Variants in FAM50A observed in about 807,000 individuals in gnomAD.
FAM50A encodes protein FAM50A.
FAM50A carries 6 observed loss-of-function variants against 35.5 expected under a neutral mutation model. The ratio of observed to expected loss-of-function variants is 0.17; its 90% CI spans 0.09 to 0.33. The LOEUF is 0.33. Among genes scored for constraint, FAM50A ranks in the 10% least tolerant of loss-of-function variants. The pLI is 1.00. For synonymous variants in FAM50A, 120 were observed against 110.9 expected (o/e 1.08, Z -0.52); for missense variants, 145 against 295.5 (o/e 0.49, Z 3.73).
chrX:154,445,397 C>A, intron 1 of FAM50A: 1 of 434,368 alleles, frequency 2.3e-6, no homozygotes, highest in Non-Finnish European at 4.1e-6. Context: ...TCGGTGGCTT[C>A]AGGCTACTGA....
chrX:154,449,525 G>A (rs1254622294), intron 8 of FAM50A, among the ~76,000 whole-genome samples, 156 bp from the exon 9 acceptor site: 1 of 112,408 alleles, frequency 8.9e-6, no homozygotes, highest in East Asian at 2.8e-4. Context: ...GGTGCTGGGC[G>A]CCAGTCCTGT....
At chrX:154,447,436 A>G (rs1048891358) in intron 4 of FAM50A, among the ~76,000 whole-genome samples, 1 of 111,058 alleles carries the variant, frequency 9.0e-6, no homozygotes, top group African/African-American at 3.3e-5. Flanking sequence ...GGGAGGAAGA[A>G]CCTGCCAGCC....
chrX:154,445,933 C>T (rs1557199757), intron 3 of FAM50A, 22 bp downstream of exon 3: 1 of 1,145,428 alleles, frequency 8.7e-7, no homozygotes, highest in Non-Finnish European at 1.2e-6. Context: ...CGCCGCAGCC[C>T]TCAACATGGA....
chrX:154,449,431 G>T, intron 8 of FAM50A, 134 bp downstream of exon 8: 1 of 560,194 alleles, frequency 1.8e-6, no homozygotes, highest in Non-Finnish European at 3.0e-6. Context: ...CCCAAAAGAG[G>T]GGGTCAGGCT....
In FAM50A at chrX:154,444,155, CCGCCACCGCCGCTGCCGCTGCCGCTGT is replaced by C. The variant is rs2068769779; in HGVS notation, c.-77_-51del. ...GCGCGGGCGTCAGCTGACTGTTCGG[CCGCCACCGCCGCTGCCGCTGCCGCTGT>C]CGCTGTCGCCGCCGCCGCCGCCCGC... On this transcript the variant is annotated 5_prime_UTR_variant, in exon 1 of 13. Transcript: ENST00000393600. 3.7e-6 allele frequency: 1 copy of C among 266,702 alleles called. No homozygotes were observed. The highest frequency in any genetic ancestry group is 5.2e-6 in the Non-Finnish European group (1 of 193,388). 22.0% of individuals were successfully genotyped at this position (266,702 alleles called of 1,213,427 possible).
chrX:154,447,555 C>T (rs2068786932), intron 4 of FAM50A, among the ~76,000 whole-genome samples: 1 of 112,480 alleles, frequency 8.9e-6, no homozygotes, highest in Non-Finnish European at 1.9e-5. Context: ...CAAAATATCA[C>T]CATTGCGGCA....
At chrX:154,445,599 G>C in intron 1 of FAM50A, 34 bp from the exon 2 acceptor site, 1 of 1,101,172 alleles carries the variant, frequency 9.1e-7, no homozygotes, top group Non-Finnish European at 1.3e-6. Context: ...CCACAGTGAG[G>C]GGTGGTTCTC....
intron 8 of FAM50A, among the ~76,000 whole-genome samples, 153 bp downstream of exon 8, chrX:154,449,450 C>T (rs1557200245): frequency 8.9e-6 from 1 of 112,591 alleles, no homozygotes; most frequent in South Asian, 3.6e-4. Flanking sequence ...CTCCTCTTCC[C>T]TTCCCTCCCA....
chrX:154,450,380 C>G, intron 12 of FAM50A, 44 bp from the exon 13 acceptor site: 1 of 1,210,358 alleles, frequency 8.3e-7, no homozygotes, highest in Non-Finnish European at 1.1e-6. Context: ...CCTGCTCACC[C>G]CTCGCCTTCC....
intron 1 of FAM50A, 77 bp from the exon 2 acceptor site, chrX:154,445,556 T>C (rs1180468100): frequency 3.8e-6 from 3 of 798,879 alleles, no homozygotes; most frequent in Non-Finnish European, 5.7e-6. Context: ...ATTTGGACTA[T>C]AACGCAGGTC....
chrX:154,445,383 AG>A (rs1557199672), intron 1 of FAM50A: 2 of 419,276 alleles, frequency 4.8e-6, no homozygotes, highest in African/African-American at 5.0e-5. Flanking sequence ...AAAGGTCAGT[AG>A]GGTCGGTGGC....
chrX:154,444,345 A>T lies in FAM50A; in HGVS notation c.110A>T (p.Glu37Val). ...GAGCAGATGAAGCAGCGCATCGCGG[A>T]GGTGCGAGCCGGGGAGCCTCGGAGC... ...QMEQMKQRIA[E>V]ENIMKSNIDK... Residue 37 changes from glutamate to valine, a missense_variant and splice_region_variant, in exon 1 of 13, where the codon GAG becomes GTG. Physicochemically the swap from Glu to Val is moderately radical, Grantham distance 121. Coordinates refer to ENST00000393600, the MANE Select transcript of FAM50A (RefSeq NM_004699.4). The T allele has an allele frequency of 9.3e-7, 1 of 1,074,601 alleles. No individual in the cohort carries two copies. The highest frequency in any genetic ancestry group is 4.1e-5 in the East Asian group (1 of 24,419). The allele number at this position is 1,074,601 out of a possible 1,213,427, so 88.6% of individuals were successfully genotyped here. A position where few individuals can be genotyped will look rare whatever the true frequency, so the allele number is the denominator to read the frequency against.
chrX:154,444,200 CCGCCCG>C lies in FAM50A; in HGVS notation c.-34_-29del. ...GCCGCTGTCGCTGTCGCCGCCGCCG[CCGCCCG>C]CCGCCGCCGCCGCCGCCGCCGCCGC... On this transcript the variant is annotated 5_prime_UTR_variant, in exon 1 of 13. Transcript: ENST00000393600. The C allele has an allele frequency of 1.6e-6, 1 of 634,050 alleles. No homozygotes were observed. Among genetic ancestry groups the C allele is most frequent in the Non-Finnish European group, 1.9e-6 (1 of 516,952 alleles). The allele number at this position is 634,050 out of a possible 1,213,427, so 52.3% of individuals were successfully genotyped here. A position where few individuals can be genotyped will look rare whatever the true frequency, so the allele number is the denominator to read the frequency against.
Position 154,444,185 on chromosome X carries a change from C to A in FAM50A, c.-51C>A. On this transcript the variant is annotated 5_prime_UTR_variant, in exon 1 of 13. The change creates a new upstream start codon in the 5' untranslated region. Coordinates refer to ENST00000393600, the MANE Select transcript of FAM50A (RefSeq NM_004699.4). ...ACCGCCGCTGCCGCTGCCGCTGTCGCTGTCGCCGCCGCCGCCGCCCGCCGC... is the reference window on the plus strand; with the variant it reads ...ACCGCCGCTGCCGCTGCCGCTGTCGATGTCGCCGCCGCCGCCGCCCGCCGC... The A allele has an allele frequency of 2.1e-6, 1 of 484,008 alleles. No individual in the cohort carries two copies. The allele number at this position is 484,008 out of a possible 1,213,427, so 39.9% of individuals were successfully genotyped here. A position where few individuals can be genotyped will look rare whatever the true frequency, so the allele number is the denominator to read the frequency against.
intron 1 of FAM50A, 35 bp downstream of exon 1, chrX:154,444,381 C>A: frequency 1.3e-6 from 1 of 796,893 alleles, no homozygotes; most frequent in Non-Finnish European, 1.6e-6. Context: ...ATGCGCGCTG[C>A]CCAGGTCCCC....
Position 154,450,550 on chromosome X carries a change from G to T in FAM50A, c.*118G>T, listed in dbSNP as rs986971854. The T allele has an allele frequency of 5.4e-6, 4 of 734,252 alleles. No individual in the cohort carries two copies. The allele number at this position is 734,252 out of a possible 1,213,427, so 60.5% of individuals were successfully genotyped here. A position where few individuals can be genotyped will look rare whatever the true frequency, so the allele number is the denominator to read the frequency against. On this transcript the variant is annotated 3_prime_UTR_variant, in exon 13 of 13. Coordinates refer to ENST00000393600, the MANE Select transcript of FAM50A (RefSeq NM_004699.4). The stretch of plus-strand genomic sequence containing the variant: ...ATGCCAGGCACGCTGGGAGGAGGAC[G>T]GCAGCTGCTCGTGTCCTGCCCCTGC...
chrX:154,447,351 C>T (rs1364303916), intron 4 of FAM50A, among the ~76,000 whole-genome samples: 13 of 111,423 alleles, frequency 1.2e-4, no homozygotes, highest in African/African-American at 3.6e-4. Context: ...GGGAGAGAAG[C>T]GAGGCAGGGG....
At chrX:154,444,682 TG>T (rs1218477210) in intron 1 of FAM50A, 1 of 126,350 alleles carries the variant, frequency 7.9e-6, no homozygotes, top group Admixed American at 9.0e-5. Context: ...GTCCTGGCTC[TG>T]GCCCCTCGGC....
chrX:154,445,995 G>A (rs1324955529), intron 3 of FAM50A, 84 bp downstream of exon 3: 1 of 706,237 alleles, frequency 1.4e-6, no homozygotes, highest in East Asian at 3.5e-5. Flanking sequence ...GCACCCTGGG[G>A]GGGACCCTGT....
Sources: gnomAD v4.1 joint callset for allele counts (sites outside exome capture counted in the v4.1 genomes callset) on GRCh38, gnomAD v4.1.1 for gene constraint, MANE v1.5 for transcripts, NCBI Gene and HGNC (gene_info 2026-07-23, HGNC 2026-07-21) for gene names.